The following RBFOX1 variants were observed in gnomAD, a reference collection of about 807,000 sequenced individuals.
RBFOX1 encodes the protein RNA binding protein fox-1 homolog 1.
RBFOX1 carries 8 observed loss-of-function variants against 57.7 expected under a neutral mutation model. That is an observed-to-expected ratio of 0.14 (90% confidence interval 0.08 to 0.25). RBFOX1 has a LOEUF of 0.25. RBFOX1 is among the 10% of genes least tolerant of loss of function. The probability of loss-of-function intolerance (pLI) is 1.00; values close to 1 mark genes in which losing one functional copy is unlikely to be tolerated. For missense variants in RBFOX1, 611 were observed against 548.5 expected, an observed-to-expected ratio of 1.11 and a Z score of -1.14; for synonymous variants, 326 against 222.4, an observed-to-expected ratio of 1.47 and a Z score of -4.15.
At chr16:5,341,812 G>A (rs1024930860) in intron 1 of RBFOX1, among the ~76,000 whole-genome samples, 6 of 152,124 alleles carry the variant, frequency 3.9e-5, no homozygotes, top group South Asian at 2.1e-4. Context: ...AGGGGAACAC[G>A]GAGTTCTCTT....
chr16:6,876,712 C>G (rs1439017647), intron 3 of RBFOX1, among the ~76,000 whole-genome samples: 5 of 152,118 alleles, frequency 3.3e-5, no homozygotes, highest in South Asian at 4.1e-4. Flanking sequence ...TATCTGCCGT[C>G]TGATCAAGAG....
chr16:7,066,497 G>A (rs533659703), intron 4 of RBFOX1, among the ~76,000 whole-genome samples: 1 of 152,204 alleles, frequency 6.6e-6, no homozygotes, highest in African/African-American at 2.4e-5. Flanking sequence ...CCCCTGGTTA[G>A]TTAGAAATTT....
intron 3 of RBFOX1, among the ~76,000 whole-genome samples, chr16:6,985,193 C>G (rs545638569): frequency 3.3e-5 from 5 of 152,068 alleles, no homozygotes; most frequent in African/African-American, 4.8e-5. Context: ...TGATCACATT[C>G]TATTTTAATC....
intron 3 of RBFOX1, among the ~76,000 whole-genome samples, chr16:5,620,329 T>A (rs1456388774): frequency 6.6e-6 from 1 of 152,100 alleles, no homozygotes; most frequent in African/African-American, 2.4e-5. Flanking sequence ...CTACACATGG[T>A]GTGGAGAGAC....
intron 4 of RBFOX1, among the ~76,000 whole-genome samples, chr16:7,494,199 C>T (rs960827671): frequency 2.0e-5 from 3 of 152,278 alleles, no homozygotes; most frequent in Admixed American, 6.5e-5. Flanking sequence ...TTGCAATTCT[C>T]GTTTTGAGCA....
chr16:6,119,014 G>GTTTT (rs35604110), intron 1 of RBFOX1, among the ~76,000 whole-genome samples: 5 of 142,228 alleles, frequency 3.5e-5, no homozygotes, highest in Admixed American at 7.1e-5. Flanking sequence ...AATTCCTCAG[G>GTTTT]TTTTTTTTTT....
At chr16:5,742,496 G>T (rs530347658) in intron 3 of RBFOX1, among the ~76,000 whole-genome samples, 4 of 152,096 alleles carry the variant, frequency 2.6e-5, no homozygotes, top group Non-Finnish European at 5.9e-5. Flanking sequence ...TTCTACACTG[G>T]GAAGCTGTCA....
At chr16:7,226,717 C>A (rs958998962) in intron 4 of RBFOX1, among the ~76,000 whole-genome samples, 3 of 152,152 alleles carry the variant, frequency 2.0e-5, no homozygotes, top group African/African-American at 7.2e-5. Context: ...TTCAGAGATA[C>A]GTCTAAAGTC....
At chr16:6,353,700 G>A (rs2086794236) in intron 2 of RBFOX1, among the ~76,000 whole-genome samples, 1 of 152,094 alleles carries the variant, frequency 6.6e-6, no homozygotes, top group African/African-American at 2.4e-5. Flanking sequence ...GTGTCACTTG[G>A]TTATTTCGGC....
chr16:7,628,306 G>C (rs963759235), intron 10 of RBFOX1, among the ~76,000 whole-genome samples: 1 of 152,042 alleles, frequency 6.6e-6, no homozygotes, highest in African/African-American at 2.4e-5. Context: ...AGATGATTCC[G>C]ACCTGATAAC....
chr16:6,715,879 G>C (rs920876431), intron 3 of RBFOX1, among the ~76,000 whole-genome samples: 2 of 152,160 alleles, frequency 1.3e-5, no homozygotes, highest in African/African-American at 4.8e-5. Context: ...AGCCCCTTTG[G>C]GGTCAAGGCT....
At chr16:6,084,467 C>G (rs1047465235) in intron 1 of RBFOX1, among the ~76,000 whole-genome samples, 2 of 152,128 alleles carry the variant, frequency 1.3e-5, no homozygotes, top group African/African-American at 4.8e-5. Flanking sequence ...TGATCTCCAA[C>G]TCCCAGGCTG....
At position 6,520,291 on chromosome 16, in the gene RBFOX1, G is replaced by A. The variant is rs1294239537; in HGVS notation, c.-63-134312G>A. Among the ~76,000 whole-genome samples, 8 of 152,180 alleles carry A rather than the reference G, an allele frequency of 5.3e-5. No individual in the cohort carries two copies. The East Asian group carries it at 9.6e-4, about 18-fold the overall frequency. On this transcript the variant is annotated intron_variant, in intron 2 of 15. Transcript: ENST00000550418. ...GTATTGCTTTGTAGGTTGTTAAATT[G>A]TGGCTTTAGACAATGAGTTGTTTAT...
intron 2 of RBFOX1, among the ~76,000 whole-genome samples, chr16:6,387,686 C>G (rs970333369): frequency 3.3e-5 from 5 of 152,096 alleles, no homozygotes; most frequent in Non-Finnish European, 5.9e-5. Context: ...TTGGGATTCT[C>G]TTTTCTTTTT....
intron 1 of RBFOX1, among the ~76,000 whole-genome samples, chr16:6,228,078 A>G (rs1006446668): frequency 1.3e-5 from 2 of 152,156 alleles, no homozygotes; most frequent in Non-Finnish European, 2.9e-5. Context: ...TAGGAAGCTG[A>G]GGTGGGTGGA....
intron 2 of RBFOX1, among the ~76,000 whole-genome samples, chr16:6,429,037 C>G (rs1411722842): frequency 1.3e-5 from 2 of 151,954 alleles, no homozygotes; most frequent in Non-Finnish European, 2.9e-5. Flanking sequence ...GTGCTGTTTC[C>G]TGGAAGAGGA....
rs180808912 is a variant in RBFOX1, at chr16:5,365,300, C to A, written c.220-101916C>A. Among the ~76,000 whole-genome samples the A allele has an allele frequency of 1.5e-4, 22 of 150,462 alleles. No homozygotes were observed. The East Asian group carries it at 4.3e-3, about 30-fold the overall frequency. ...TAGATTCTCTTGAAAAATGAGCAAA[C>A]ACATATGCAGCCACACATCTCCTCC... On this transcript the variant is annotated intron_variant, in intron 1 of 2. Coordinates refer to the RBFOX1 transcript ENST00000585867.
chr16:6,993,574 G>T (rs1035152685), intron 3 of RBFOX1, among the ~76,000 whole-genome samples: 4 of 152,146 alleles, frequency 2.6e-5, no homozygotes, highest in East Asian at 1.9e-4. Context: ...AGGGAGGCAA[G>T]AGTGGTGCTG....
intron 4 of RBFOX1, among the ~76,000 whole-genome samples, chr16:7,285,741 C>G (rs2095638513): frequency 6.6e-6 from 1 of 152,098 alleles, no homozygotes. Flanking sequence ...GTGTAGTATT[C>G]CATGGTATGG....
Sources: allele counts gnomAD v4.1 joint callset (sites outside exome capture counted in the v4.1 genomes callset), GRCh38; gene constraint gnomAD v4.1.1; transcripts MANE v1.5; gene names NCBI Gene and HGNC (gene_info 2026-07-23, HGNC 2026-07-21).